Variants in NCAN observed in about 807,000 individuals in gnomAD.
The protein encoded by NCAN is neurocan core protein.
A neutral mutation model predicts 121.8 loss-of-function variants in NCAN; 47 were observed. The ratio of observed to expected loss-of-function variants is 0.39; its 90% CI spans 0.31 to 0.49. The LOEUF is 0.49. Ranked by LOEUF, NCAN falls within the 20% of genes least tolerant of loss-of-function variation. NCAN has a pLI of 0.92. For missense variants in NCAN, 1,517 were observed against 1,773.4 expected, an observed-to-expected ratio of 0.86 and a Z score of 2.60; for synonymous variants, 633 against 702.0, an observed-to-expected ratio of 0.90 and a Z score of 1.55.
intron 10 of NCAN, among the ~76,000 whole-genome samples, chr19:19,236,530 C>T (rs979905859): frequency 9.2e-5 from 14 of 151,836 alleles, no homozygotes; most frequent in African/African-American, 3.4e-4. Flanking sequence ...TTTTTTTTCC[C>T]TCTACTCTTT....
rs1434664373 is a variant in NCAN, at chr19:19,217,708, T to C, written c.73+682T>C. Reference sequence around the variant, plus strand: ...TCCTTATAAAAATAAAGTGAGGGGCTAGGCACAGTGGTTTATGCCTATAAT... The same window carrying C: ...TCCTTATAAAAATAAAGTGAGGGGCCAGGCACAGTGGTTTATGCCTATAAT... On this transcript the variant is annotated intron_variant, in intron 2 of 14. Coordinates refer to ENST00000252575, the MANE Select transcript of NCAN (RefSeq NM_004386.3). 3.3e-5 allele frequency among the ~76,000 whole-genome samples: 5 copies of C among 152,178 alleles called. No individual in the cohort carries two copies. In the East Asian group the frequency reaches 9.6e-4, roughly 29 times the overall value.
At position 19,251,448 on chromosome 19, in the gene NCAN, A is replaced by G. The variant is rs2060945800; in HGVS notation, c.*1537A>G. 2 of 152,330 alleles carry G rather than the reference A, an allele frequency of 1.3e-5. No homozygotes were observed. Among genetic ancestry groups the G allele is most frequent in the South Asian group, 4.1e-4 (2 of 4,820 alleles). The allele number at this position is 152,330 out of a possible 1,614,324, so 9.4% of individuals were successfully genotyped here. ...CACACAGTGAAACTGAGGCTCAGAT[A>G]TAAAGGAAAGGTACTGGCTTGAAGT... On this transcript the variant is annotated 3_prime_UTR_variant, in exon 15 of 15. Coordinates refer to ENST00000252575, the MANE Select transcript of NCAN (RefSeq NM_004386.3).
rs577193279 is a variant in NCAN at position 19,214,891 on chromosome 19, C to T, written c.-7-2056C>T. ...GCCTGGAACAGCCATGAGGGGACCC[C>T]ACACTTGCTCAGGGTTCCAAGGGGA... On this transcript the variant is annotated intron_variant, in intron 1 of 14. Transcript: ENST00000252575. 2.2e-4 allele frequency among the ~76,000 whole-genome samples: 34 copies of T among 152,278 alleles called. No homozygotes were observed. The East Asian group carries it at 6.6e-3, about 29-fold the overall frequency.
chr19:19,249,742 C>G lies in NCAN; in HGVS notation c.3821-24C>G, dbSNP rs377032909. 6.8e-4 allele frequency: 1,069 copies of G among 1,580,340 alleles called. 1 individual carries two copies. Among genetic ancestry groups the G allele is most frequent in the Non-Finnish European group, 8.6e-4 (1,000 of 1,165,324 alleles). ...CCTCTCACCACCTTTTGTCCCTTCC[C>G]TGTCCTCCCTCACTTCCCTGCAGCC... On this transcript the variant is annotated intron_variant, in intron 14 of 14. Transcript: ENST00000252575.
rs765884199 is a variant in NCAN at position 19,219,217 on chromosome 19, C to A, written c.376C>A (p.Leu126Ile). Reference sequence around the variant, plus strand: ...CCGGCGCCGAGCCAACGCCACGCTACTTCTGGGGCCACTGAGGGCCAGTGA... The same window carrying A: ...CCGGCGCCGAGCCAACGCCACGCTAATTCTGGGGCCACTGAGGGCCAGTGA... ...YPRRRANATL[L>I]LGPLRASDSG... Residue 126 changes from leucine to isoleucine, a missense_variant, in exon 3 of 15, where the codon CTT (leucine) becomes ATT (isoleucine). Leu to Ile is a conservative substitution (Grantham distance 5). Transcript: ENST00000252575. 1.2e-6 allele frequency: 2 copies of A among 1,608,972 alleles called. No homozygotes were observed. The highest frequency in any genetic ancestry group is 1.7e-5 in the Admixed American group (1 of 59,930).
chr19:19,214,340 C>T (rs1182574131), intron 1 of NCAN, among the ~76,000 whole-genome samples: 2 of 152,178 alleles, frequency 1.3e-5, no homozygotes, highest in Non-Finnish European at 2.9e-5. Context: ...GCACGGGCCC[C>T]AGACAGCTGT....
In NCAN at chr19:19,224,145, G is replaced by A; in HGVS notation, c.600G>A (p.Glu200=). The A allele has an allele frequency of 2.5e-6, 4 of 1,606,036 alleles. No individual in the cohort carries two copies. The highest frequency in any genetic ancestry group is 1.7e-5 in the Admixed American group (1 of 59,664). ...CTCGGCATCTACAGGCTGCCTTTGA[G>A]GATGGCTTTGACAACTGTGATGCTG... ...AAPRHLQAAF[E]DGFDNCDAGW... The change falls in exon 4 of 15, where the codon GAG becomes GAA. Residue 200 remains glutamate (E), a synonymous_variant. Transcript: ENST00000252575.
intron 2 of NCAN, 73 bp from the exon 3 acceptor site, chr19:19,218,842 A>T: frequency 7.3e-7 from 1 of 1,373,844 alleles, no homozygotes; most frequent in East Asian, 2.7e-5. Context: ...AAATTTTTTA[A>T]AAGAGGGAAA....
intron 10 of NCAN, among the ~76,000 whole-genome samples, chr19:19,237,360 G>C (rs1465608699): frequency 6.6e-5 from 10 of 151,872 alleles, no homozygotes. Context: ...ATGGCGACAC[G>C]TGCCTGTAAT....
chr19:19,230,557 C>G (rs1568598665), intron 8 of NCAN, among the ~76,000 whole-genome samples: 1 of 151,678 alleles, frequency 6.6e-6, no homozygotes. Context: ...TGTGCACCAA[C>G]AGGCCTGGCT....
At chr19:19,214,378 G>C (rs910461179) in intron 1 of NCAN, among the ~76,000 whole-genome samples, 1 of 152,210 alleles carries the variant, frequency 6.6e-6, no homozygotes, top group Non-Finnish European at 1.5e-5. Context: ...GCCGCCCTGG[G>C]GAGGAGGTAT....
rs537435179 is a variant in NCAN at position 19,230,969 on chromosome 19, C to T, written c.3019+2330C>T. 1.7e-4 allele frequency among the ~76,000 whole-genome samples: 25 copies of T among 151,248 alleles called. No individual in the cohort carries two copies. The East Asian group carries it at 4.9e-3, about 30-fold the overall frequency. On this transcript the variant is annotated intron_variant, in intron 8 of 14. Coordinates refer to ENST00000252575, the MANE Select transcript of NCAN (RefSeq NM_004386.3). Reference sequence around the variant, plus strand: ...CTATGTTATCCAGGCTGGTCTCAAACTCCTGGGCTCAAGTGATCCTCTTGC... The same window carrying T: ...CTATGTTATCCAGGCTGGTCTCAAATTCCTGGGCTCAAGTGATCCTCTTGC...
intron 12 of NCAN, 79 bp from the exon 13 acceptor site, chr19:19,245,234 G>A (rs1475605803): frequency 1.3e-6 from 2 of 1,550,332 alleles, no homozygotes; most frequent in East Asian, 2.3e-5. Context: ...CTGGCCAGGG[G>A]AGTCCCACAG....
At chr19:19,242,272 C>CA (rs1217371759) in intron 12 of NCAN, among the ~76,000 whole-genome samples, 33 of 152,276 alleles carry the variant, frequency 2.2e-4, no homozygotes, top group African/African-American at 7.7e-4. Flanking sequence ...CCTGTAATCC[C>CA]AGCACTTTGG....
chr19:19,219,250 C>T lies in NCAN; in HGVS notation c.409C>T (p.Leu137=). Residue 137 remains leucine, a synonymous_variant, in exon 3 of 15, where the codon CTG becomes TTG. Transcript: ENST00000252575. ...GCCACTGAGGGCCAGTGACTCTGGG[C>T]TGTACCGCTGCCAGGTGGTGAGGGG... ...LGPLRASDSG[L]YRCQVVRGIE... is the part of the protein sequence containing the mutation. 6.2e-7 allele frequency: 1 copy of T among 1,601,650 alleles called. No individual in the cohort carries two copies. Among genetic ancestry groups the T allele is most frequent in the South Asian group, 1.1e-5 (1 of 90,336 alleles).
chr19:19,240,704 G>C lies in NCAN; in HGVS notation c.3492+19G>C, dbSNP rs776522243. On this transcript the variant is annotated intron_variant, in intron 12 of 14. Coordinates refer to ENST00000252575, the MANE Select transcript of NCAN (RefSeq NM_004386.3). The stretch of plus-strand genomic sequence containing the variant: ...CGGGCTGGTGAGTGGCAGGGGCTGC[G>C]GGCCTAGGCTGCTGAGCCACATCAG... The C allele has an allele frequency of 6.2e-7, 1 of 1,612,564 alleles. No individual in the cohort carries two copies. The highest frequency in any genetic ancestry group is 1.7e-4 in the Middle Eastern group (1 of 6,054).
chr19:19,235,114 C>A lies in NCAN; in HGVS notation c.3250+18C>A. On this transcript the variant is annotated intron_variant, in intron 10 of 14. Transcript: ENST00000252575. ...TGAGAAAGGTGAGTTTCTATTGCAA[C>A]ACCAGAAACAGTACCAAGAGTGGGG... 7 of 1,560,902 alleles carry A rather than the reference C, an allele frequency of 4.5e-6. No homozygotes were observed. The highest frequency in any genetic ancestry group is 1.1e-5 in the South Asian group (1 of 89,366).
Position 19,225,325 on chromosome 19 carries a change from A to G in NCAN, c.1072+55A>G. On this transcript the variant is annotated intron_variant, in intron 6 of 14. Transcript: ENST00000252575. The surrounding 1 kb of genome is among the most constrained non-coding windows in gnomAD (Gnocchi z 4.0). ...CAGGGCTTTCACTTTGGCGAAGGCCACGTCCCTGAAAGCCTCGCCAAGCCA... is the reference window on the plus strand; with the variant it reads ...CAGGGCTTTCACTTTGGCGAAGGCCGCGTCCCTGAAAGCCTCGCCAAGCCA... 2 of 1,456,396 alleles carry G rather than the reference A, an allele frequency of 1.4e-6. No homozygotes were observed. Among genetic ancestry groups the G allele is most frequent in the Non-Finnish European group, 1.8e-6 (2 of 1,118,144 alleles). 90.2% of individuals were successfully genotyped at this position (1,456,396 alleles called of 1,614,324 possible).
intron 1 of NCAN, among the ~76,000 whole-genome samples, chr19:19,215,624 C>A (rs1205959872): frequency 1.3e-5 from 2 of 152,172 alleles, no homozygotes; most frequent in African/African-American, 4.8e-5. Flanking sequence ...CAGGGGTGAG[C>A]CCCTTCCTCC....
Sources: allele counts gnomAD v4.1 joint callset (sites outside exome capture counted in the v4.1 genomes callset), GRCh38; gene constraint gnomAD v4.1.1; non-coding constraint Gnocchi (gnomAD v3.1); transcripts MANE v1.5; gene names NCBI Gene and HGNC (gene_info 2026-07-23, HGNC 2026-07-21).